The following FANCB variants were observed in gnomAD, a reference collection of about 807,000 sequenced individuals.
FANCB encodes the protein Fanconi anemia group B protein.
A neutral mutation model predicts 38.9 loss-of-function variants in FANCB; 5 were observed. The ratio of observed to expected loss-of-function variants is 0.13; its 90% CI spans 0.07 to 0.27. The LOEUF (loss-of-function observed/expected upper bound fraction) is 0.27. Among genes scored for constraint, FANCB ranks in the 10% least tolerant of loss-of-function variants. The pLI is 1.00. For synonymous variants in FANCB, 236 were observed against 215.4 expected (o/e 1.10, Z -0.84); for missense variants, 573 against 602.7 (o/e 0.95, Z 0.52).
chrX:14,697,346 G>C, the FANCB span, among the ~76,000 whole-genome samples: 1 of 111,953 alleles, frequency 8.9e-6, no homozygotes, highest in African/African-American at 3.3e-5. Flanking sequence ...ATTAAAATAA[G>C]TGGAAACGGG....
the FANCB span, among the ~76,000 whole-genome samples, chrX:14,694,251 G>T: frequency 9.0e-6 from 1 of 111,279 alleles, no homozygotes; most frequent in Admixed American, 9.6e-5. Context: ...GCTCTCAAAG[G>T]GAGAGAGGGT....
At chrX:14,823,459 T>C in the FANCB span, among the ~76,000 whole-genome samples, 2 of 111,888 alleles carry the variant, frequency 1.8e-5, no homozygotes, top group South Asian at 3.7e-4. Flanking sequence ...CATGAAGAAA[T>C]GCACAAATAA....
intron 3 of FANCB, 45 bp downstream of exon 3, chrX:14,864,515 G>T (rs769951336): frequency 2.3e-6 from 2 of 860,663 alleles, no homozygotes; most frequent in Non-Finnish European, 3.5e-6. Flanking sequence ...ATGTTTAAAA[G>T]GTCTGAGACC....
chrX:14,798,608 CT>C, the FANCB span, among the ~76,000 whole-genome samples: 1 of 112,017 alleles, frequency 8.9e-6, no homozygotes, highest in African/African-American at 3.2e-5. Context: ...ATACAAGAGA[CT>C]TCTGGCTAAG....
chrX:14,833,592 C>G (rs764955324), downstream of FANCB, among the ~76,000 whole-genome samples: 1 of 110,868 alleles, frequency 9.0e-6, no homozygotes, highest in Non-Finnish European at 1.9e-5. Flanking sequence ...TGAAGCCCTG[C>G]GCCCTGAAAT....
chrX:14,858,475 T>C (rs2092432795), intron 4 of FANCB, among the ~76,000 whole-genome samples: 1 of 111,600 alleles, frequency 9.0e-6, no homozygotes, highest in Non-Finnish European at 1.9e-5. Context: ...ATTATTATGA[T>C]TCCTACTACT....
the FANCB span, among the ~76,000 whole-genome samples, chrX:14,712,691 T>G: frequency 9.5e-6 from 1 of 104,779 alleles, no homozygotes; most frequent in African/African-American, 3.5e-5. Flanking sequence ...ACTGGGGGGG[T>G]TAAGGTCTAA....
chrX:14,748,327 T>A, the FANCB span, among the ~76,000 whole-genome samples: 2 of 110,914 alleles, frequency 1.8e-5, no homozygotes, highest in Non-Finnish European at 1.9e-5. Flanking sequence ...CCAACAGCCA[T>A]ATTCTCCACC....
At chrX:14,860,247 C>T (rs1290052548) in intron 3 of FANCB, among the ~76,000 whole-genome samples, 2 of 111,811 alleles carry the variant, frequency 1.8e-5, no homozygotes, top group African/African-American at 6.5e-5. Context: ...CACATTAGAG[C>T]AAGAATGAAA....
In FANCB at chrX:14,843,538, T is replaced by C. The variant is rs2092361594; in HGVS notation, c.*29A>G. On this transcript the variant is annotated 3_prime_UTR_variant, in exon 10 of 10. Coordinates refer to ENST00000650831, the MANE Select transcript of FANCB (RefSeq NM_001018113.3). ...ATCTTATATGGTGGTGAAAACATAT[T>C]TTAAAATATGATCAAATTGAAATTA... 9.1e-7 allele frequency: 1 copy of C among 1,095,527 alleles called. No homozygotes were observed. Among genetic ancestry groups the C allele is most frequent in the Non-Finnish European group, 1.2e-6 (1 of 801,892 alleles). 90.3% of individuals were successfully genotyped at this position (1,095,527 alleles called of 1,213,427 possible). A position where few individuals can be genotyped will look rare whatever the true frequency, so the allele number is the denominator to read the frequency against.
At chrX:14,717,973 G>C in the FANCB span, among the ~76,000 whole-genome samples, 2 of 111,136 alleles carry the variant, frequency 1.8e-5, no homozygotes, top group African/African-American at 6.5e-5. Flanking sequence ...GTACCCCTGA[G>C]AATGTCGTCG....
chrX:14,791,954 T>C, the FANCB span, among the ~76,000 whole-genome samples: 1 of 111,841 alleles, frequency 8.9e-6, no homozygotes, highest in African/African-American at 3.3e-5. Context: ...TTTTAACAGC[T>C]TGATCTCCAG....
the FANCB span, among the ~76,000 whole-genome samples, chrX:14,737,106 G>A: frequency 1.8e-5 from 2 of 111,089 alleles, no homozygotes; most frequent in South Asian, 3.8e-4. Context: ...TCAGTGAGCC[G>A]AGATCTTACC....
the FANCB span, among the ~76,000 whole-genome samples, chrX:14,749,044 T>C: frequency 9.0e-5 from 10 of 111,546 alleles, no homozygotes; most frequent in Non-Finnish European, 1.7e-4. Flanking sequence ...GAAAGAACAG[T>C]GATGGGACTG....
chrX:14,827,009 T>G, the FANCB span, among the ~76,000 whole-genome samples: 4 of 112,199 alleles, frequency 3.6e-5, no homozygotes, highest in African/African-American at 1.3e-4. Context: ...CATCTTTTCC[T>G]CACTAAAGTG....
At chrX:14,790,443 G>T in the FANCB span, among the ~76,000 whole-genome samples, 2 of 111,947 alleles carry the variant, frequency 1.8e-5, no homozygotes, top group Non-Finnish European at 3.8e-5. Context: ...TACTCTCTGA[G>T]CTTCAGTTTT....
chrX:14,863,087 T>C (rs1258717726), intron 3 of FANCB, among the ~76,000 whole-genome samples: 1 of 112,479 alleles, frequency 8.9e-6, no homozygotes, highest in African/African-American at 3.2e-5. Flanking sequence ...TTATAGAGGA[T>C]ACATACGTAT....
the FANCB span, among the ~76,000 whole-genome samples, chrX:14,757,981 T>A: frequency 2.7e-5 from 3 of 111,544 alleles, no homozygotes; most frequent in South Asian, 1.1e-3. Flanking sequence ...GCTCTGCTCA[T>A]CCACTGACTG....
chrX:14,799,158 G>A, the FANCB span, among the ~76,000 whole-genome samples: 3 of 111,923 alleles, frequency 2.7e-5, no homozygotes, highest in African/African-American at 9.7e-5. Flanking sequence ...ATTCCACCCC[G>A]TGGTTAAAGA....
Sources: gnomAD v4.1 joint callset for allele counts (sites outside exome capture counted in the v4.1 genomes callset) on GRCh38, gnomAD v4.1.1 for gene constraint, MANE v1.5 for transcripts, NCBI Gene and HGNC (gene_info 2026-07-23, HGNC 2026-07-21) for gene names.